WDR37: variants seen among roughly 807,000 people sequenced by gnomAD.
The protein encoded by WDR37 is WD repeat domain 37.
WDR37 carries 19 observed loss-of-function variants against 62.9 expected under a neutral mutation model. That is an observed-to-expected ratio of 0.30 (90% confidence interval 0.21 to 0.44). The LOEUF is 0.44. WDR37 is among the 20% of genes least tolerant of loss of function. WDR37 has a pLI of 1.00. For synonymous variants in WDR37, 250 were observed against 260.9 expected, an observed-to-expected ratio of 0.96 and a Z score of 0.40; for missense variants, 474 against 657.6, an observed-to-expected ratio of 0.72 and a Z score of 3.05.
chr10:1,099,750 C>G (rs551525405), intron 9 of WDR37, among the ~76,000 whole-genome samples: 2 of 142,298 alleles, frequency 1.4e-5, no homozygotes. Flanking sequence ...AGCGTGTGCA[C>G]TGATGGTGTG....
intron 2 of WDR37, among the ~76,000 whole-genome samples, chr10:1,072,937 C>G (rs1003091769): frequency 6.6e-6 from 1 of 152,118 alleles, no homozygotes; most frequent in South Asian, 2.1e-4. Context: ...AGTATCATAT[C>G]CTTTTAATGA....
chr10:1,058,317 A>G (rs12268949), intron 1 of WDR37, among the ~76,000 whole-genome samples: 14,422 of 152,264 alleles, frequency 0.095, 774 homozygotes, highest in African/African-American at 0.15. Context: ...TATGTAATAT[A>G]TGCCAGCCAT....
chr10:1,122,565 C>G (rs1041685966), intron 11 of WDR37, among the ~76,000 whole-genome samples: 19 of 152,210 alleles, frequency 1.2e-4, no homozygotes, highest in African/African-American at 3.9e-4. Flanking sequence ...CGCGCAGCCC[C>G]CTGGCCGTTG....
chr10:1,119,944 C>A (rs985806145), intron 11 of WDR37, among the ~76,000 whole-genome samples: 1 of 152,236 alleles, frequency 6.6e-6, no homozygotes, highest in African/African-American at 2.4e-5. Flanking sequence ...GGAGAACTGA[C>A]TTCTCCAGGG....
Position 1,130,834 on chromosome 10 carries a change from G to C in WDR37, c.*1490G>C, listed in dbSNP as rs1171024686. On this transcript the variant is annotated 3_prime_UTR_variant, in exon 14 of 14. Coordinates refer to ENST00000263150, the MANE Select transcript of WDR37 (RefSeq NM_014023.4). Reference sequence around the variant, plus strand: ...TGGTGCAGCTCGCCAGGGATGAGAGGCACCTCCCTACTTGGGTCTTCAGGA... The same window carrying C: ...TGGTGCAGCTCGCCAGGGATGAGAGCCACCTCCCTACTTGGGTCTTCAGGA... 3.3e-5 allele frequency: 5 copies of C among 151,744 alleles called. No individual in the cohort carries two copies. The highest frequency in any genetic ancestry group is 7.4e-5 in the Non-Finnish European group (5 of 67,984). 9.4% of individuals were successfully genotyped at this position (151,744 alleles called of 1,614,324 possible).
chr10:1,120,203 G>A (rs953641620), intron 11 of WDR37, among the ~76,000 whole-genome samples: 7 of 152,184 alleles, frequency 4.6e-5, no homozygotes, highest in Admixed American at 2.6e-4. Context: ...ATGGAGCTTC[G>A]GAGACCCCGA....
intron 9 of WDR37, among the ~76,000 whole-genome samples, chr10:1,097,048 C>CT (rs1834608358): frequency 6.6e-6 from 1 of 152,212 alleles, no homozygotes; most frequent in Non-Finnish European, 1.5e-5. Flanking sequence ...GAGGACTTGG[C>CT]TGAGCTGAGA....
At chr10:1,086,205 G>T in intron 6 of WDR37, 81 bp from the exon 7 acceptor site, 1 of 1,139,590 alleles carries the variant, frequency 8.8e-7, no homozygotes, top group Non-Finnish European at 1.3e-6. Flanking sequence ...CCCATTTTTA[G>T]AGTATTTGTC....
At chr10:1,080,368 T>TTGATTGTG in intron 4 of WDR37, 44 bp from the exon 5 acceptor site, 1 of 1,612,968 alleles carries the variant, frequency 6.2e-7, no homozygotes, top group South Asian at 1.1e-5. Flanking sequence ...CTATAGGTCT[T>TTGATTGTG]TGATTGTGTG....
intron 9 of WDR37, chr10:1,096,490 C>T: frequency 3.7e-6 from 2 of 545,384 alleles, no homozygotes; most frequent in East Asian, 3.0e-5. Context: ...CTCAATCTCT[C>T]TGTCACTCTC....
At position 1,105,937 on chromosome 10, in the gene WDR37, C is replaced by CCGCT. The variant is rs1834998718; in HGVS notation, c.1103+670_1103+671insCGCT. On this transcript the variant is annotated intron_variant, in intron 11 of 13. Transcript: ENST00000263150. This position sits in a 1 kb window ranked among gnomAD's most constrained non-coding sequence, Gnocchi z 5.3. ...AGTAGCTGGGACTAGAGGCACCTGC[C>CCGCT]ACCACGCCTGGCTAGTTTTTTGTAT... Among the ~76,000 whole-genome samples, 3 of 152,090 alleles carry CCGCT rather than the reference C, an allele frequency of 2.0e-5. No individual in the cohort carries two copies. Among genetic ancestry groups the CCGCT allele is most frequent in the African/African-American group, 7.2e-5 (3 of 41,402 alleles).
intron 5 of WDR37, among the ~76,000 whole-genome samples, chr10:1,084,164 G>C (rs1005301443): frequency 2.0e-5 from 3 of 152,152 alleles, no homozygotes; most frequent in Non-Finnish European, 2.9e-5. Flanking sequence ...AGACTGAGGT[G>C]GGGGAGCCTG....
At chr10:1,062,847 G>A (rs1833415728) in intron 1 of WDR37, among the ~76,000 whole-genome samples, 1 of 152,176 alleles carries the variant, frequency 6.6e-6, no homozygotes, top group Admixed American at 6.5e-5. Context: ...AAGCACTTTG[G>A]GAGGCTGAGG....
chr10:1,129,016 CCCATGCACGGTGGT>C (rs1031725225), intron 13 of WDR37, among the ~76,000 whole-genome samples, 183 bp from the exon 14 acceptor site: 1 of 144,714 alleles, frequency 6.9e-6, no homozygotes, highest in Non-Finnish European at 1.5e-5. Flanking sequence ...TGATCTGTGG[CCCATGCACGGTGGT>C]CCATGATCTG....
chr10:1,098,914 C>T (rs1052509550), intron 9 of WDR37, among the ~76,000 whole-genome samples: 2 of 152,196 alleles, frequency 1.3e-5, no homozygotes, highest in Non-Finnish European at 2.9e-5. Context: ...AAACATTTAC[C>T]GTCCACTCTC....
intron 3 of WDR37, among the ~76,000 whole-genome samples, chr10:1,079,428 CTA>C (rs1441287047): frequency 6.6e-6 from 1 of 150,616 alleles, no homozygotes; most frequent in Non-Finnish European, 1.5e-5. Context: ...ACTATGGAAA[CTA>C]TGTTGAAATG....
intron 7 of WDR37, among the ~76,000 whole-genome samples, chr10:1,089,791 C>T (rs909606192): frequency 4.6e-5 from 7 of 152,222 alleles, no homozygotes; most frequent in Admixed American, 6.5e-5. Context: ...GTCGTCTCTT[C>T]GCTCATCGTC....
intron 1 of WDR37, among the ~76,000 whole-genome samples, chr10:1,064,440 G>A (rs1304081287): frequency 1.3e-5 from 2 of 152,118 alleles, no homozygotes; most frequent in African/African-American, 4.8e-5. Flanking sequence ...ACCTTCAGAC[G>A]TAAGAAGCAG....
intron 13 of WDR37, among the ~76,000 whole-genome samples, chr10:1,126,269 G>C (rs112901102): frequency 6.6e-6 from 1 of 151,964 alleles, no homozygotes; most frequent in Non-Finnish European, 1.5e-5. Flanking sequence ...AGCCAGGCGT[G>C]GTGGCGGGCG....
Sources: gnomAD v4.1 joint callset for allele counts (sites outside exome capture counted in the v4.1 genomes callset) on GRCh38, gnomAD v4.1.1 for gene constraint, Gnocchi (gnomAD v3.1) non-coding constraint, MANE v1.5 for transcripts, NCBI Gene and HGNC (gene_info 2026-07-23, HGNC 2026-07-21) for gene names.